MOV10: variants seen among roughly 807,000 people sequenced by gnomAD.
The protein encoded by MOV10 is Mov10 RNA helicase.
A neutral mutation model predicts 108.4 loss-of-function variants in MOV10; 39 were observed. That is an observed-to-expected ratio of 0.36 (90% CI 0.28 to 0.47). The LOEUF (loss-of-function observed/expected upper bound fraction) is 0.47. Ranked by LOEUF, MOV10 falls within the 20% of genes least tolerant of loss-of-function variation. The pLI is 1.00. For missense variants in MOV10, 952 were observed against 1,297.6 expected, an observed-to-expected ratio of 0.73 and a Z score of 4.09; for synonymous variants, 490 against 523.1, an observed-to-expected ratio of 0.94 and a Z score of 0.86.
intron 11 of MOV10, 60 bp downstream of exon 11, chr1:112,695,634 A>G (rs1674002035): frequency 6.5e-7 from 1 of 1,549,954 alleles, no homozygotes; most frequent in Admixed American, 1.9e-5. Flanking sequence ...CTCAGGGCAG[A>G]CACTGAGGCG....
Position 112,675,355 on chromosome 1 carries a change from G to GGGGA in MOV10, c.137+306_137+307insGGGA, listed in dbSNP as rs1672108826. Among the ~76,000 whole-genome samples the GGGGA allele has an allele frequency of 1.3e-5, 2 of 152,258 alleles. No individual in the cohort carries two copies. The highest frequency in any genetic ancestry group is 1.3e-4 in the Admixed American group (2 of 15,306). On this transcript the variant is annotated intron_variant, in intron 2 of 20. Coordinates refer to ENST00000369645, the MANE Select transcript of MOV10 (RefSeq NM_001321324.2). The surrounding 1 kb of genome is among the most constrained non-coding windows in gnomAD (Gnocchi z 4.7). ...CGGGAGCTGCGTCCCGCGTCCATGCGCCGCTCGCGGGGGCTGAGGGACAGC... is the reference window on the plus strand; with the variant it reads ...CGGGAGCTGCGTCCCGCGTCCATGCGGGGACCGCTCGCGGGGGCTGAGGGACAGC...
At position 112,695,498 on chromosome 1, in the gene MOV10, G is replaced by A. The variant is rs372683047; in HGVS notation, c.1703G>A (p.Arg568Gln). 4.6e-5 allele frequency: 74 copies of A among 1,614,178 alleles called. No homozygotes were observed. In the African/African-American group the frequency reaches 8.0e-4, roughly 17 times the overall value. ...GCTGACCTACTCTGTCAAAGGCTCC[G>A]GGTCCACCTTCCTAGCTCCATCTAC... ...SGADLLCQRL[R>Q]VHLPSSIYRL... The change falls in exon 11 of 21, where the codon CGG becomes CAG. Residue 568 changes from arginine to glutamine, a missense_variant. This residue lies in a region of MOV10 where 453 missense variants were observed against 611.5 expected (regional missense o/e 0.74). Coordinates refer to ENST00000369645, the MANE Select transcript of MOV10 (RefSeq NM_001321324.2).
Position 112,698,422 on chromosome 1 carries a change from G to A in MOV10, c.2452G>A (p.Gly818Ser). Residue 818 changes from glycine to serine, a missense_variant, in exon 16 of 21, where the codon GGC becomes AGC. By Grantham distance (56) the Gly-to-Ser change is moderately conservative. This residue lies in a region of MOV10 where 453 missense variants were observed against 611.5 expected (regional missense o/e 0.74). Coordinates refer to ENST00000369645, the MANE Select transcript of MOV10 (RefSeq NM_001321324.2). Reference sequence around the variant, plus strand: ...GCTCCTGGCCCCCTCCTCCAAGAAGGGCAAAGCTCGCCTGAGCCCTCGAAG... The same window carrying A: ...GCTCCTGGCCCCCTCCTCCAAGAAGAGCAAAGCTCGCCTGAGCCCTCGAAG... The part of the protein sequence containing the change: ...KLLLAPSSKK[G>S]KARLSPRSVG... 1 of 1,614,186 alleles carries A rather than the reference G, an allele frequency of 6.2e-7. No homozygotes were observed. Among genetic ancestry groups the A allele is most frequent in the Non-Finnish European group, 8.5e-7 (1 of 1,180,036 alleles).
chr1:112,676,683 A>G (rs1280843314), intron 2 of MOV10, among the ~76,000 whole-genome samples: 2 of 152,206 alleles, frequency 1.3e-5, no homozygotes, highest in Non-Finnish European at 2.9e-5. Context: ...AAGGCAGACC[A>G]AGGACTTGTA....
chr1:112,698,651 T>C (rs1188626468), intron 16 of MOV10, 64 bp from the exon 17 acceptor site: 1 of 1,543,666 alleles, frequency 6.5e-7, no homozygotes, highest in Non-Finnish European at 9.0e-7. Context: ...CCTGGCCTCC[T>C]GCCAGGCTCC....
At chr1:112,695,700 G>C in intron 11 of MOV10, 126 bp downstream of exon 11, 1 of 1,030,034 alleles carries the variant, frequency 9.7e-7, no homozygotes. Flanking sequence ...GGTTGGACAG[G>C]ACCCCTCCCT....
chr1:112,696,310 C>A (rs756310330), intron 12 of MOV10, 59 bp downstream of exon 12: 1 of 1,457,088 alleles, frequency 6.9e-7, no homozygotes, highest in Non-Finnish European at 9.6e-7. Context: ...GGGTACCGGG[C>A]TGGGGAAATG....
chr1:112,697,245 CG>C (rs1185607129), intron 14 of MOV10, among the ~76,000 whole-genome samples: 2 of 152,036 alleles, frequency 1.3e-5, no homozygotes, highest in African/African-American at 4.8e-5. Flanking sequence ...CTCCCACCCC[CG>C]ATCACTTGAG....
chr1:112,696,252 G>T lies in MOV10; in HGVS notation c.1883+1G>T. The stretch of plus-strand genomic sequence containing the variant: ...TTACCACCCTCATCACTGCCGGCAG[G>T]TGGGGAGTGTGTGTGGGTGTGTCTC... On this transcript the variant is annotated splice_donor_variant, in intron 12 of 20. Coordinates refer to ENST00000369645, the MANE Select transcript of MOV10 (RefSeq NM_001321324.2). LOFTEE classifies it high-confidence loss of function. The T allele has an allele frequency of 6.2e-7, 1 of 1,601,656 alleles. No homozygotes were observed. Among genetic ancestry groups the T allele is most frequent in the Non-Finnish European group, 8.6e-7 (1 of 1,168,764 alleles).
rs943832406 is a variant in MOV10, at chr1:112,694,984, C to T, written c.1620+88C>T. 1.4e-5 allele frequency: 20 copies of T among 1,425,218 alleles called. No individual in the cohort carries two copies. Among genetic ancestry groups the T allele is most frequent in the South Asian group, 6.8e-5 (5 of 73,454 alleles). The allele number at this position is 1,425,218 out of a possible 1,614,324, so 88.3% of individuals were successfully genotyped here. On this transcript the variant is annotated intron_variant, in intron 10 of 20. Coordinates refer to ENST00000369645, the MANE Select transcript of MOV10 (RefSeq NM_001321324.2). The surrounding 1 kb of genome is among the most constrained non-coding windows in gnomAD (Gnocchi z 4.1). ...CCAGATTCTAGTTCCTTCCCACTCC[C>T]GAAATGCTCCTGCTTCTAAGCAGCC...
rs748513454 is a variant in MOV10, at chr1:112,699,696, A to C, written c.2595A>C (p.Val865=). ...DDIKDLKVGS[V]EEFQGQERSV... ...TCTTTCCCCACTAGGTGGGTTCAGT[A>C]GAAGAATTCCAAGGCCAAGAACGAA... The change falls in exon 18 of 21, where the codon GTA becomes GTC. Residue 865 remains valine, a synonymous_variant. Coordinates refer to ENST00000369645, the MANE Select transcript of MOV10 (RefSeq NM_001321324.2). 1 of 1,614,168 alleles carries C rather than the reference A, an allele frequency of 6.2e-7. No homozygotes were observed. The highest frequency in any genetic ancestry group is 1.1e-5 in the South Asian group (1 of 91,086).
rs189357784 is a variant in MOV10 at position 112,688,876 on chromosome 1, G to A, written c.138-59G>A. The A allele has an allele frequency of 2.0e-3, 3,285 of 1,606,802 alleles. 5 individuals are homozygous for A. The highest frequency in any genetic ancestry group is 2.3e-3 in the Non-Finnish European group (2,748 of 1,177,582). On this transcript the variant is annotated intron_variant, in intron 2 of 20. Transcript: ENST00000369645. ...CCTCCGATGCCCTTTCCCACCCGCC[G>A]CCCTGCCTCCCTCGAGCCCTGCCTT...
chr1:112,694,272 C>A lies in MOV10; in HGVS notation c.1295+100C>A, dbSNP rs1673857097. On this transcript the variant is annotated intron_variant, in intron 8 of 20. Coordinates refer to ENST00000369645, the MANE Select transcript of MOV10 (RefSeq NM_001321324.2). The surrounding 1 kb of genome is among the most constrained non-coding windows in gnomAD (Gnocchi z 4.1). ...CCCTGAGATAAATGAGACCCCGGGGCAGAGCAGGAGACTTTTCCTCAGGGG... is the reference window on the plus strand; with the variant it reads ...CCCTGAGATAAATGAGACCCCGGGGAAGAGCAGGAGACTTTTCCTCAGGGG... 3 of 1,503,800 alleles carry A rather than the reference C, an allele frequency of 2.0e-6. No homozygotes were observed. The African/African-American group carries it at 4.1e-5, about 21-fold the overall frequency. 93.2% of individuals were successfully genotyped at this position (1,503,800 alleles called of 1,614,324 possible).
rs576123899 is a variant in MOV10 at position 112,698,330 on chromosome 1, G to A, written c.2360G>A (p.Arg787His). Reference protein sequence around the residue: ...IFHGVMGKDEREGNSPSFFNP... With the variant: ...IFHGVMGKDEHEGNSPSFFNP... ...CACGGCGTAATGGGCAAAGATGAGC[G>A]TGAAGGCAACAGCCCATCCTTCTTC... The change falls in exon 16 of 21, where the codon CGT becomes CAT. Residue 787 changes from arginine to histidine, a missense_variant. Physicochemically the swap from Arg to His is conservative, Grantham distance 29. Around this residue, in one of 5 missense-constraint regions of MOV10, gnomAD observed 453 missense variants for 611.5 expected, o/e 0.74. Coordinates refer to ENST00000369645, the MANE Select transcript of MOV10 (RefSeq NM_001321324.2). The A allele has an allele frequency of 1.5e-5, 24 of 1,614,076 alleles. No homozygotes were observed. The highest frequency in any genetic ancestry group is 4.0e-5 in the African/African-American group (3 of 74,944).
intron 14 of MOV10, chr1:112,697,750 T>G: frequency 2.4e-6 from 1 of 423,692 alleles, no homozygotes; most frequent in East Asian, 4.0e-5. Flanking sequence ...CCCCTAATTA[T>G]TTAGTTTTAA....
At chr1:112,695,369 T>G (rs1209185979) in intron 10 of MOV10, 47 bp from the exon 11 acceptor site, 4 of 1,599,172 alleles carry the variant, frequency 2.5e-6, no homozygotes, top group Non-Finnish European at 3.4e-6. Flanking sequence ...TGGGTACGGC[T>G]GAGTCTCAGG....
intron 1 of MOV10, 40 bp from the exon 2 acceptor site, chr1:112,674,808 C>A: frequency 8.3e-7 from 1 of 1,198,836 alleles, no homozygotes; most frequent in Non-Finnish European, 1.1e-6. Context: ...AGGGGGCTTC[C>A]CTCCTGCTGC....
chr1:112,694,742 C>T lies in MOV10; in HGVS notation c.1473-7C>T. On this transcript the variant is annotated splice_polypyrimidine_tract_variant and splice_region_variant and intron_variant, in intron 9 of 20. Transcript: ENST00000369645. This position sits in a 1 kb window ranked among gnomAD's most constrained non-coding sequence, Gnocchi z 4.1. ...CTTCAAGTTCACATTCCTGGTCCCT[C>T]TGCCAGGCTGTACGACCGGAGTCTG... The T allele has an allele frequency of 6.2e-7, 1 of 1,613,688 alleles. No homozygotes were observed. Among genetic ancestry groups the T allele is most frequent in the Non-Finnish European group, 8.5e-7 (1 of 1,179,710 alleles).
At chr1:112,678,297 A>C (rs1159457904) in intron 2 of MOV10, among the ~76,000 whole-genome samples, 1 of 152,130 alleles carries the variant, frequency 6.6e-6, no homozygotes, top group Non-Finnish European at 1.5e-5. Flanking sequence ...GACTGATGTC[A>C]CGAAAAGGTT....
Sources: gnomAD v4.1 joint callset for allele counts (sites outside exome capture counted in the v4.1 genomes callset) on GRCh38, gnomAD v4.1.1 for gene constraint, gnomAD v4.1.1 regional missense constraint, Gnocchi (gnomAD v3.1) non-coding constraint, MANE v1.5 for transcripts, NCBI Gene and HGNC (gene_info 2026-07-23, HGNC 2026-07-21) for gene names.